CERT1: variants seen among roughly 807,000 people sequenced by gnomAD.
CERT1 encodes the protein ceramide transfer protein.
In CERT1, 31 loss-of-function variants were observed where a neutral mutation model predicts 87.9. That is an observed-to-expected ratio of 0.35 (90% CI 0.27 to 0.48). The LOEUF is 0.48. Among genes scored for constraint, CERT1 ranks in the 20% least tolerant of loss-of-function variants. The probability of loss-of-function intolerance (pLI) is 0.99; values close to 1 mark genes in which losing one functional copy is unlikely to be tolerated. For synonymous variants in CERT1, 289 were observed against 250.9 expected, an observed-to-expected ratio of 1.15 and a Z score of -1.44; for missense variants, 487 against 758.0, an observed-to-expected ratio of 0.64 and a Z score of 4.20.
At chr5:75,493,189 T>C (rs1489189982) in intron 2 of CERT1, among the ~76,000 whole-genome samples, 1 of 152,218 alleles carries the variant, frequency 6.6e-6, no homozygotes, top group East Asian at 1.9e-4. Flanking sequence ...AACAGAATAA[T>C]GAACCCTCTT....
chr5:75,494,498 T>C (rs1454825140), intron 2 of CERT1, among the ~76,000 whole-genome samples: 1 of 150,566 alleles, frequency 6.6e-6, no homozygotes, highest in Non-Finnish European at 1.5e-5. Context: ...ACTACTCCTC[T>C]ACCCTCCAAG....
chr5:75,388,528 G>T (rs986695388), intron 12 of CERT1, among the ~76,000 whole-genome samples: 2 of 143,464 alleles, frequency 1.4e-5, no homozygotes, highest in Admixed American at 1.4e-4. Context: ...TTTCTTTTCT[G>T]ATTTTCTCCA....
chr5:75,452,402 C>T (rs1316699464), intron 3 of CERT1, among the ~76,000 whole-genome samples: 2 of 152,164 alleles, frequency 1.3e-5, no homozygotes, highest in African/African-American at 4.8e-5. Flanking sequence ...TAAACTCTGT[C>T]AGAGGCTTTC....
At chr5:75,398,159 G>A (rs938969370) in intron 11 of CERT1, among the ~76,000 whole-genome samples, 3 of 152,238 alleles carry the variant, frequency 2.0e-5, no homozygotes, top group South Asian at 2.1e-4. Context: ...GGAGAAAAAC[G>A]CTGTACAAGT....
At chr5:75,421,683 C>A (rs1459795260) in intron 5 of CERT1, among the ~76,000 whole-genome samples, 1 of 152,156 alleles carries the variant, frequency 6.6e-6, no homozygotes, top group African/African-American at 2.4e-5. Flanking sequence ...TACGACTATT[C>A]CTAAATTAGT....
intron 11 of CERT1, among the ~76,000 whole-genome samples, chr5:75,396,110 A>G (rs1208807418): frequency 1.3e-5 from 2 of 152,204 alleles, no homozygotes; most frequent in African/African-American, 4.8e-5. Context: ...ATAAAACATC[A>G]TTTCAAGAAG....
intron 8 of CERT1, among the ~76,000 whole-genome samples, chr5:75,403,985 T>C (rs771844450): frequency 1.3e-5 from 2 of 152,212 alleles, no homozygotes; most frequent in African/African-American, 2.4e-5. Flanking sequence ...AACAGCTTTG[T>C]ATTATGATAA....
intron 1 of CERT1, among the ~76,000 whole-genome samples, chr5:75,507,055 T>G (rs1316491202): frequency 1.3e-5 from 2 of 152,216 alleles, no homozygotes; most frequent in Non-Finnish European, 2.9e-5. Context: ...AGGCTCTATA[T>G]CCACTGAGAA....
intron 11 of CERT1, among the ~76,000 whole-genome samples, chr5:75,396,731 A>G (rs111496865): frequency 8.7e-6 from 1 of 114,522 alleles, no homozygotes; most frequent in South Asian, 3.4e-4. Context: ...CTCCGTCTCA[A>G]AAAAAAAAAA....
At chr5:75,458,501 T>G (rs1252118919) in intron 3 of CERT1, among the ~76,000 whole-genome samples, 3 of 152,076 alleles carry the variant, frequency 2.0e-5, no homozygotes, top group Non-Finnish European at 4.4e-5. Context: ...AAAATCGAAA[T>G]GTGTTTTATG....
At chr5:75,380,777 C>CAAAA (rs35083616) in intron 16 of CERT1, among the ~76,000 whole-genome samples, 127 of 52,144 alleles carry the variant, frequency 2.4e-3, no homozygotes, top group East Asian at 3.9e-3. Context: ...GACTCCATCT[C>CAAAA]AAAAAAAAAA....
In CERT1 at chr5:75,442,857, G is replaced by A. The variant is rs148834706; in HGVS notation, c.348+16208C>T. Among the ~76,000 whole-genome samples the A allele has an allele frequency of 5.7e-3, 875 of 152,190 alleles. 4 individuals carry two copies. The highest frequency in any genetic ancestry group is 0.02 in the African/African-American group (822 of 41,524). On this transcript the variant is annotated intron_variant, in intron 3 of 16. Coordinates refer to ENST00000643780, the MANE Select transcript of CERT1 (RefSeq NM_001379029.1). ...TCATGTAACTTTTACTATAGTATAC[G>A]TTATAATTATTCTATTTTATTATTT...
At chr5:75,480,151 T>A (rs1485032315) in intron 2 of CERT1, among the ~76,000 whole-genome samples, 1 of 152,194 alleles carries the variant, frequency 6.6e-6, no homozygotes, top group Admixed American at 6.5e-5. Flanking sequence ...GGGACCACTA[T>A]CTATGTCTCT....
rs550865866 is a variant in CERT1, at chr5:75,415,904, T to C, written c.837+972A>G. On this transcript the variant is annotated intron_variant, in intron 7 of 16. Transcript: ENST00000643780. ...TCTATACCTTAAAAGGATGTTTTCA[T>C]TACCTATTTTAAAAGAAGACATATT... Among the ~76,000 whole-genome samples, 4 of 152,284 alleles carry C rather than the reference T, an allele frequency of 2.6e-5. No individual in the cohort carries two copies. The East Asian group carries it at 7.7e-4, about 29-fold the overall frequency.
chr5:75,450,113 CTCTT>C (rs566025592), intron 3 of CERT1, among the ~76,000 whole-genome samples: 128 of 152,306 alleles, frequency 8.4e-4, no homozygotes, highest in African/African-American at 2.1e-3. Flanking sequence ...CCTTTCTTCT[CTCTT>C]TAAGATTTAC....
chr5:75,506,880 T>A (rs183452462), intron 1 of CERT1, among the ~76,000 whole-genome samples: 2 of 152,300 alleles, frequency 1.3e-5, no homozygotes, highest in Admixed American at 1.3e-4. Flanking sequence ...AAAGTGAAGA[T>A]CACAATAAAC....
At chr5:75,450,251 T>A (rs919852314) in intron 3 of CERT1, among the ~76,000 whole-genome samples, 7 of 152,140 alleles carry the variant, frequency 4.6e-5, no homozygotes, top group African/African-American at 1.7e-4. Flanking sequence ...AGACCATGAC[T>A]GGAAGGGAGG....
intron 9 of CERT1, 132 bp downstream of exon 9, chr5:75,402,840 G>T: frequency 5.7e-6 from 3 of 525,892 alleles, no homozygotes; most frequent in Admixed American, 3.2e-5. Flanking sequence ...GTGACTCAAT[G>T]TATTCACAGT....
At chr5:75,471,754 CAA>C (rs796209502) in intron 2 of CERT1, among the ~76,000 whole-genome samples, 6 of 50,800 alleles carry the variant, frequency 1.2e-4, no homozygotes, top group Non-Finnish European at 2.3e-4. Context: ...GACTTCATCT[CAA>C]AAAAAAAAAA....
Sources: gnomAD v4.1 joint callset for allele counts (sites outside exome capture counted in the v4.1 genomes callset) on GRCh38, gnomAD v4.1.1 for gene constraint, MANE v1.5 for transcripts, NCBI Gene and HGNC (gene_info 2026-07-23, HGNC 2026-07-21) for gene names.